Variants in KIAA1217 observed in about 807,000 individuals in gnomAD.
KIAA1217 encodes sickle tail protein homolog.
In KIAA1217, 88 loss-of-function variants were observed where a neutral mutation model predicts 163.9. The ratio of observed to expected loss-of-function variants is 0.54; its 90% CI spans 0.45 to 0.64. The LOEUF is 0.64. Ranked by LOEUF, KIAA1217 falls within the 30% of genes least tolerant of loss-of-function variation. The pLI, the probability that KIAA1217 is intolerant of heterozygous loss-of-function variation, is 0.00. For synonymous variants in KIAA1217, 903 were observed against 923.1 expected, an observed-to-expected ratio of 0.98 and a Z score of 0.39; for missense variants, 2,372 against 2,475.0, an observed-to-expected ratio of 0.96 and a Z score of 0.88.
intron 1 of KIAA1217, among the ~76,000 whole-genome samples, chr10:23,800,979 A>G (rs1257017413): frequency 6.6e-6 from 1 of 152,200 alleles, no homozygotes; most frequent in African/African-American, 2.4e-5. Context: ...TATTGGGTAT[A>G]TACCCAAAGG....
Position 24,261,724 on chromosome 10 carries a change from C to T in KIAA1217, c.354+41815C>T, listed in dbSNP as rs547827526. 3.3e-5 allele frequency among the ~76,000 whole-genome samples: 5 copies of T among 152,130 alleles called. No homozygotes were observed. The East Asian group carries it at 9.7e-4, about 29-fold the overall frequency. On this transcript the variant is annotated intron_variant, in intron 2 of 20. Coordinates refer to ENST00000376454, the MANE Select transcript of KIAA1217 (RefSeq NM_019590.5). ...AGAGGGTGAGTGACTAGGGGGTGGG[C>T]TACCGTAACCAGGACTCTGAGGATA...
At chr10:24,479,976 C>T (rs1367158732) in intron 6 of KIAA1217, among the ~76,000 whole-genome samples, 1 of 152,210 alleles carries the variant, frequency 6.6e-6, no homozygotes, top group East Asian at 1.9e-4. Flanking sequence ...TAGGCCCCAC[C>T]TCCCAGCACT....
At chr10:24,189,567 A>G (rs2066615099) in intron 2 of KIAA1217, among the ~76,000 whole-genome samples, 1 of 152,236 alleles carries the variant, frequency 6.6e-6, no homozygotes, top group African/African-American at 2.4e-5. Flanking sequence ...CTGATACCCT[A>G]TAACAAAAGA....
chr10:24,457,344 TTGTG>T (rs376333005), intron 5 of KIAA1217, among the ~76,000 whole-genome samples: 13 of 130,732 alleles, frequency 9.9e-5, no homozygotes, highest in African/African-American at 2.9e-4. Context: ...GTTTTTTGTT[TTGTG>T]TGTGTGTGTG....
At chr10:23,898,741 C>T (rs1051946920) in intron 1 of KIAA1217, among the ~76,000 whole-genome samples, 1 of 151,962 alleles carries the variant, frequency 6.6e-6, no homozygotes, top group Admixed American at 6.6e-5. Flanking sequence ...CCAATTTTCC[C>T]CTCCACCCCA....
intron 2 of KIAA1217, among the ~76,000 whole-genome samples, chr10:24,046,400 G>A (rs1005381016): frequency 2.0e-5 from 3 of 152,260 alleles, no homozygotes; most frequent in Non-Finnish European, 4.4e-5. Context: ...GACAGAGAGT[G>A]TATTAGTCCA....
intron 6 of KIAA1217, among the ~76,000 whole-genome samples, chr10:24,491,783 C>T (rs924340275): frequency 2.0e-5 from 3 of 152,032 alleles, no homozygotes; most frequent in Non-Finnish European, 4.4e-5. Context: ...TAAATGAGAC[C>T]TACCTATTTC....
chr10:24,084,567 G>A (rs551170307), intron 2 of KIAA1217, among the ~76,000 whole-genome samples: 22 of 152,316 alleles, frequency 1.4e-4, no homozygotes, highest in African/African-American at 5.1e-4. Context: ...TGAGAGCAGA[G>A]ACCTAAAGAA....
rs369704762 is a variant in KIAA1217 at position 24,276,951 on chromosome 10, G to T, written c.354+57042G>T. Among the ~76,000 whole-genome samples, 58 of 151,924 alleles carry T rather than the reference G, an allele frequency of 3.8e-4. No homozygotes were observed. The East Asian group carries it at 6.2e-3, about 16-fold the overall frequency. On this transcript the variant is annotated intron_variant, in intron 2 of 20. Coordinates refer to ENST00000376454, the MANE Select transcript of KIAA1217 (RefSeq NM_019590.5). The stretch of plus-strand genomic sequence containing the variant: ...AAAAAATAAAAATCGTAGAGATGGG[G>T]TCTCCCCGTGTTGCCCAAGCTGGTG...
At chr10:24,527,186 C>G (rs954490874) in intron 13 of KIAA1217, among the ~76,000 whole-genome samples, 1 of 151,900 alleles carries the variant, frequency 6.6e-6, no homozygotes, top group South Asian at 2.1e-4. Flanking sequence ...GACAATGTGA[C>G]CCAGAGGGCA....
At chr10:24,055,163 A>G (rs994590708) in intron 2 of KIAA1217, among the ~76,000 whole-genome samples, 6 of 152,168 alleles carry the variant, frequency 3.9e-5, no homozygotes, top group African/African-American at 1.2e-4. Context: ...GCTACTCGGG[A>G]AGCTGAGGTG....
intron 9 of KIAA1217, among the ~76,000 whole-genome samples, chr10:24,503,028 T>A (rs886738746): frequency 6.6e-6 from 1 of 152,136 alleles, no homozygotes. Flanking sequence ...GGAGCAGCCA[T>A]GGGGATGCAA....
chr10:24,201,838 G>C (rs761174932), intron 2 of KIAA1217, among the ~76,000 whole-genome samples: 18 of 152,186 alleles, frequency 1.2e-4, no homozygotes, highest in Non-Finnish European at 1.6e-4. Context: ...GAAGAAGTTG[G>C]AGGCATGGCT....
At chr10:24,419,039 T>G (rs533219947) in intron 3 of KIAA1217, among the ~76,000 whole-genome samples, 1 of 151,814 alleles carries the variant, frequency 6.6e-6, no homozygotes, top group East Asian at 1.9e-4. Context: ...TAGCTGAGTG[T>G]GGTGGCAAGT....
intron 2 of KIAA1217, among the ~76,000 whole-genome samples, chr10:24,221,411 G>A (rs150435903): frequency 9.2e-5 from 14 of 152,258 alleles, no homozygotes; most frequent in African/African-American, 3.1e-4. Context: ...CACAAGGGAG[G>A]AAAGCTCAGT....
rs1022548189 is a variant in KIAA1217 at position 24,247,522 on chromosome 10, C to T, written c.354+27613C>T. On this transcript the variant is annotated intron_variant, in intron 2 of 20. Transcript: ENST00000376454. ...TCTACACATTAATTTCCAGGCTGGG[C>T]GTGGTGGCTCACGCTTGTAATCCCA... Among the ~76,000 whole-genome samples, 7 of 152,278 alleles carry T rather than the reference C, an allele frequency of 4.6e-5. No individual in the cohort carries two copies. In the East Asian group the frequency reaches 5.8e-4, roughly 13 times the overall value.
At chr10:23,806,010 A>G (rs1305194842) in intron 1 of KIAA1217, among the ~76,000 whole-genome samples, 1 of 150,124 alleles carries the variant, frequency 6.7e-6, no homozygotes, top group Non-Finnish European at 1.5e-5. Context: ...AAAAAAAAAA[A>G]AAAAAAAAAA....
intron 2 of KIAA1217, among the ~76,000 whole-genome samples, chr10:24,244,347 T>G (rs983264831): frequency 1.3e-5 from 2 of 152,088 alleles, no homozygotes; most frequent in African/African-American, 4.8e-5. Flanking sequence ...TCATCGCTAT[T>G]TATTAATTTG....
intron 2 of KIAA1217, among the ~76,000 whole-genome samples, chr10:24,192,608 C>T (rs1360122290): frequency 6.6e-6 from 1 of 152,136 alleles, no homozygotes; most frequent in African/African-American, 2.4e-5. Context: ...CTGAGATGGC[C>T]CTCCAACCTC....
Sources: allele counts gnomAD v4.1 joint callset (sites outside exome capture counted in the v4.1 genomes callset), GRCh38; gene constraint gnomAD v4.1.1; transcripts MANE v1.5; gene names NCBI Gene and HGNC (gene_info 2026-07-23, HGNC 2026-07-21).